The following SLC15A5 variants were observed in gnomAD, a reference collection of about 807,000 sequenced individuals.
SLC15A5 encodes solute carrier family 15 member 5.
A neutral mutation model predicts 56.1 loss-of-function variants in SLC15A5; 58 were observed. The observed-to-expected ratio is 1.03, with a 90% CI of 0.84 to 1.29. The LOEUF is 1.29. Among genes scored for constraint, SLC15A5 ranks in the 50% most tolerant of loss-of-function variants. The pLI is 0.00. For missense variants in SLC15A5, 681 were observed against 672.1 expected, an observed-to-expected ratio of 1.01 and a Z score of -0.15; for synonymous variants, 264 against 250.5, an observed-to-expected ratio of 1.05 and a Z score of -0.51.
At chr12:16,210,567 A>G (rs1416938053) in intron 7 of SLC15A5, among the ~76,000 whole-genome samples, 1 of 152,164 alleles carries the variant, frequency 6.6e-6, no homozygotes, top group Non-Finnish European at 1.5e-5. Context: ...ATTTTTATCT[A>G]TTTCTTCTAG....
intron 5 of SLC15A5, among the ~76,000 whole-genome samples, chr12:16,226,662 T>A (rs1864244137): frequency 6.6e-6 from 1 of 152,204 alleles, no homozygotes; most frequent in Non-Finnish European, 1.5e-5. Flanking sequence ...CTTAAAGAGA[T>A]AAATTAGCTA....
At position 16,189,815 on chromosome 12, in the gene SLC15A5, T is replaced by C. The variant is rs1863823150; in HGVS notation, c.1593A>G (p.Arg531=). 6.8e-7 allele frequency: 1 copy of C among 1,477,322 alleles called. No individual in the cohort carries two copies. The highest frequency in any genetic ancestry group is 8.9e-7 in the Non-Finnish European group (1 of 1,119,444). The allele number at this position is 1,477,322 out of a possible 1,614,324, so 91.5% of individuals were successfully genotyped here. ...CATTAAAATGATTTAGATTACAATA[T>C]CTAAAAAAGAAAGAAAGAAAGCTTT... The part of the protein sequence containing the change: ...NVLGFCSVSQ[R]YCNLNHFNAQ... The change falls in exon 9 of 9, where the codon AGA becomes AGG. Residue 531 remains arginine, a splice_region_variant and synonymous_variant. Coordinates refer to ENST00000344941, the MANE Select transcript of SLC15A5 (RefSeq NM_001170798.1).
At chr12:16,239,224 AATG>A (rs1311907753) in intron 5 of SLC15A5, among the ~76,000 whole-genome samples, 2 of 137,022 alleles carry the variant, frequency 1.5e-5, no homozygotes, top group Admixed American at 1.5e-4. Context: ...ATGTTCTGAG[AATG>A]ATATCCTAAA....
Position 16,239,687 on chromosome 12 carries a change from A to C in SLC15A5, c.1156T>G (p.Cys386Gly). ...ATGGTTAAATTGTACTTACTGATGCATGTTGACAGAAATGATCCAACTCTC... is the reference window on the plus strand; with the variant it reads ...ATGGTTAAATTGTACTTACTGATGCCTGTTGACAGAAATGATCCAACTCTC... ...SKRVGSFLSTCIIAGNLFAAL... is the reference protein window; with the variant it reads ...SKRVGSFLSTGIIAGNLFAAL... Residue 386 changes from cysteine to glycine, a missense_variant, in exon 5 of 9, where the codon TGC becomes GGC. Physicochemically the swap from Cys to Gly is radical, Grantham distance 159. Transcript: ENST00000344941. The C allele has an allele frequency of 6.5e-7, 1 of 1,536,412 alleles. No homozygotes were observed. Among genetic ancestry groups the C allele is most frequent in the African/African-American group, 1.4e-5 (1 of 73,130 alleles).
chr12:16,229,883 C>T (rs1591649178), intron 5 of SLC15A5, among the ~76,000 whole-genome samples: 1 of 152,072 alleles, frequency 6.6e-6, no homozygotes, highest in Admixed American at 6.6e-5. Flanking sequence ...GTCATCTAAT[C>T]TTCTAAGAAG....
intron 6 of SLC15A5, among the ~76,000 whole-genome samples, chr12:16,221,191 C>G (rs1030677526): frequency 6.6e-6 from 1 of 152,126 alleles, no homozygotes; most frequent in Non-Finnish European, 1.5e-5. Context: ...ATTTATTGAT[C>G]ACCTATTTTG....
intron 3 of SLC15A5, among the ~76,000 whole-genome samples, chr12:16,256,917 G>GATAGATAGATAGATAGATAA (rs1205534850): frequency 6.9e-5 from 1 of 14,464 alleles, no homozygotes; most frequent in African/African-American, 1.6e-4. Flanking sequence ...ATGGGGAATA[G>GATAGATAGATAGATAGATAA]ATAGATAGAT....
At chr12:16,210,759 T>C (rs979180900) in intron 7 of SLC15A5, among the ~76,000 whole-genome samples, 17 of 152,216 alleles carry the variant, frequency 1.1e-4, no homozygotes, top group Admixed American at 3.3e-4. Flanking sequence ...CTGCCTTTTC[T>C]ACCTCTCGTG....
chr12:16,231,716 A>G (rs1265749540), intron 5 of SLC15A5, among the ~76,000 whole-genome samples: 1 of 152,218 alleles, frequency 6.6e-6, no homozygotes, highest in African/African-American at 2.4e-5. Flanking sequence ...GAATTTAAAT[A>G]GGTGTGACTT....
chr12:16,193,780 G>GGAGAGAGAGAGAGA lies in SLC15A5; in HGVS notation c.1592+551_1592+564dup, dbSNP rs766458422. ...ACAGCTGTCCAAGAATATGTCAAGGGGAGAGAGAGAGAGAGAGAGAGAGAG... is the reference window on the plus strand; with the variant it reads ...ACAGCTGTCCAAGAATATGTCAAGGGGAGAGAGAGAGAGAGAGAGAGAGAGAGAGAGAGAGAGAG... On this transcript the variant is annotated intron_variant, in intron 8 of 8. Transcript: ENST00000344941. Among the ~76,000 whole-genome samples the GGAGAGAGAGAGAGA allele has an allele frequency of 7.9e-5, 6 of 75,770 alleles. 1 individual carries two copies. Among genetic ancestry groups the GGAGAGAGAGAGAGA allele is most frequent in the African/African-American group, 3.1e-4 (6 of 19,558 alleles). The allele number at this position is 75,770 out of a possible 152,430, so 49.7% of individuals were successfully genotyped here. A position where few individuals can be genotyped will look rare whatever the true frequency, so the allele number is the denominator to read the frequency against.
intron 3 of SLC15A5, among the ~76,000 whole-genome samples, chr12:16,249,816 G>GTGCGTATTCACAAAACT (rs1399605004): frequency 6.6e-6 from 1 of 152,028 alleles, no homozygotes; most frequent in East Asian, 1.9e-4. Context: ...GCATATGTGT[G>GTGCGTATTCACAAAACT]TGCGTATTCA....
In SLC15A5 at chr12:16,244,797, C is replaced by A; in HGVS notation, c.758G>T (p.Cys253Phe). Residue 253 changes from cysteine to phenylalanine, a missense_variant, in exon 4 of 9, where the codon TGT (cysteine) becomes TTT (phenylalanine). Physicochemically the swap from Cys to Phe is radical, Grantham distance 205. Coordinates refer to ENST00000344941, the MANE Select transcript of SLC15A5 (RefSeq NM_001170798.1). ...YNLIYQSEKR[C>F]SLLTGVGVLV... ...CACCCCAACGCCTGTCAGGAGAGAA[C>A]AACCTGCAAGTAATCGGAGATATTA... 1.3e-6 allele frequency: 2 copies of A among 1,537,610 alleles called. No homozygotes were observed. The highest frequency in any genetic ancestry group is 2.4e-5 in the South Asian group (2 of 84,048).
Position 16,224,543 on chromosome 12 carries a change from G to T in SLC15A5, c.1222C>A (p.Arg408=). The T allele has an allele frequency of 6.5e-7, 1 of 1,537,048 alleles. No homozygotes were observed. Among genetic ancestry groups the T allele is most frequent in the Non-Finnish European group, 8.7e-7 (1 of 1,146,848 alleles). ...VMIAGFFEIH[R]KHFPAVEQPL... is the part of the protein sequence containing the mutation. ...TGCTCCACTGCAGGGAAATGTTTTC[G>T]GTGTATTTCAAAGAAGCCAGCTATC... The change falls in exon 6 of 9, where the codon CGA becomes AGA. Residue 408 remains arginine, a synonymous_variant. Coordinates refer to ENST00000344941, the MANE Select transcript of SLC15A5 (RefSeq NM_001170798.1).
chr12:16,257,502 A>G (rs950744149), intron 3 of SLC15A5, among the ~76,000 whole-genome samples, 199 bp downstream of exon 3: 2 of 152,240 alleles, frequency 1.3e-5, no homozygotes, highest in African/African-American at 4.8e-5. Context: ...AAATCTTGCC[A>G]TTAGAATCCC....
intron 3 of SLC15A5, among the ~76,000 whole-genome samples, chr12:16,245,247 CTTA>C (rs1864451251): frequency 6.6e-6 from 1 of 151,994 alleles, no homozygotes; most frequent in African/African-American, 2.4e-5. Flanking sequence ...AGGGTGGCTT[CTTA>C]TTGTGACATG....
chr12:16,259,210 T>A lies in SLC15A5; in HGVS notation c.585-1340A>T, dbSNP rs200659400. The stretch of plus-strand genomic sequence containing the variant: ...TACCATACCTGGTAATTTTTTTTTT[T>A]ATTTTTAGTAGAGATGAGGTCTCAC... On this transcript the variant is annotated intron_variant, in intron 2 of 8. Coordinates refer to ENST00000344941, the MANE Select transcript of SLC15A5 (RefSeq NM_001170798.1). 2.6e-3 allele frequency among the ~76,000 whole-genome samples: 382 copies of A among 145,568 alleles called. 1 individual carries two copies. The highest frequency in any genetic ancestry group is 4.2e-3 in the Non-Finnish European group (275 of 65,952).
At chr12:16,226,783 G>A (rs554231668) in intron 5 of SLC15A5, among the ~76,000 whole-genome samples, 3 of 152,210 alleles carry the variant, frequency 2.0e-5, no homozygotes, top group East Asian at 1.9e-4. Flanking sequence ...TTTTGTTACC[G>A]AGTCTGTATC....
At chr12:16,220,446 A>T (rs1186604368) in intron 6 of SLC15A5, among the ~76,000 whole-genome samples, 2 of 152,112 alleles carry the variant, frequency 1.3e-5, no homozygotes, top group Non-Finnish European at 2.9e-5. Context: ...CCAATGTCTG[A>T]TCTCCAATCT....
chr12:16,227,646 T>A (rs1864255584), intron 5 of SLC15A5, among the ~76,000 whole-genome samples: 1 of 152,176 alleles, frequency 6.6e-6, no homozygotes, highest in African/African-American at 2.4e-5. Context: ...TATTTGGGAA[T>A]CAAGGTAGAC....
Sources: gnomAD v4.1 joint callset for allele counts (sites outside exome capture counted in the v4.1 genomes callset) on GRCh38, gnomAD v4.1.1 for gene constraint, MANE v1.5 for transcripts, NCBI Gene and HGNC (gene_info 2026-07-23, HGNC 2026-07-21) for gene names.